BAG4: variants seen among roughly 807,000 people sequenced by gnomAD.
BAG4 encodes the protein BAG cochaperone 4, also known as BAG family molecular chaperone regulator 4.
In BAG4, 28 loss-of-function variants were observed where a neutral mutation model predicts 52.1. The observed-to-expected ratio is 0.54, with a 90% CI of 0.40 to 0.74. BAG4 has a LOEUF of 0.74. Among genes scored for constraint, BAG4 ranks in the 30% least tolerant of loss-of-function variants. The probability of loss-of-function intolerance (pLI) is 0.00; values close to 1 mark genes in which losing one functional copy is unlikely to be tolerated. For synonymous variants in BAG4, 208 were observed against 217.0 expected, an observed-to-expected ratio of 0.96 and a Z score of 0.37; for missense variants, 525 against 572.0, an observed-to-expected ratio of 0.92 and a Z score of 0.84.
rs767127120 is a variant in BAG4, at chr8:38,192,712, A to G, written c.295A>G (p.Asn99Asp). 1.2e-6 allele frequency: 2 copies of G among 1,612,220 alleles called. No individual in the cohort carries two copies. Among genetic ancestry groups the G allele is most frequent in the South Asian group, 2.2e-5 (2 of 90,592 alleles). ...HQEQPPYPSYNSNYWNSTARS... is the reference protein window; with the variant it reads ...HQEQPPYPSYDSNYWNSTARS... ...GGAGCAGCCACCATATCCTAGCTAC[A>G]ATTCTAACTATTGGAATTCTACTGC... Residue 99 changes from asparagine (N) to aspartate (D), a missense_variant, in exon 2 of 5, where the codon AAT (asparagine) becomes GAT (aspartate). Coordinates refer to ENST00000287322, the MANE Select transcript of BAG4 (RefSeq NM_004874.4).
intron 1 of BAG4, 77 bp downstream of exon 1, chr8:38,177,216 A>T: frequency 6.4e-7 from 1 of 1,566,120 alleles, no homozygotes; most frequent in Non-Finnish European, 8.6e-7. Flanking sequence ...CGGGTTTCAT[A>T]CTTGTTTTCC....
chr8:38,178,897 T>C (rs1803215995), intron 1 of BAG4, among the ~76,000 whole-genome samples: 1 of 152,022 alleles, frequency 6.6e-6, no homozygotes, highest in Non-Finnish European at 1.5e-5. Context: ...CACTTTGAGT[T>C]GCCGAGGCTG....
Position 38,210,470 on chromosome 8 carries a change from A to G in BAG4, c.1351A>G (p.Lys451Glu). Reference protein sequence around the residue: ...AVCKIQAILEKLEKKGL With the variant: ...AVCKIQAILEELEKKGL ...TTGTAAGATTCAGGCCATACTGGAA[A>G]AATTAGAAAAAAAAGGATTATGAAA... The change falls in exon 5 of 5, where the codon AAA (lysine) becomes GAA (glutamate). Residue 451 changes from lysine (K) to glutamate (E), a missense_variant. Coordinates refer to ENST00000287322, the MANE Select transcript of BAG4 (RefSeq NM_004874.4). 1.3e-6 allele frequency: 2 copies of G among 1,574,522 alleles called. No individual in the cohort carries two copies. Among genetic ancestry groups the G allele is most frequent in the Non-Finnish European group, 1.7e-6 (2 of 1,168,028 alleles).
intron 1 of BAG4, among the ~76,000 whole-genome samples, chr8:38,185,521 G>A (rs1803350269): frequency 6.6e-6 from 1 of 152,164 alleles, no homozygotes; most frequent in Admixed American, 6.5e-5. Flanking sequence ...ACAAATTACA[G>A]TTTCTGGAAA....
intron 2 of BAG4, among the ~76,000 whole-genome samples, chr8:38,207,302 A>G (rs1803786528): frequency 6.6e-6 from 1 of 151,622 alleles, no homozygotes; most frequent in African/African-American, 2.4e-5. Context: ...GGGTCTCACT[A>G]TGTTGTCCAG....
intron 1 of BAG4, among the ~76,000 whole-genome samples, chr8:38,187,772 C>T (rs1043209183): frequency 4.7e-5 from 7 of 149,786 alleles, no homozygotes; most frequent in Non-Finnish European, 1.0e-4. Flanking sequence ...CCTGTAATCC[C>T]AGCAATTTGG....
At chr8:38,190,456 C>G (rs1803455885) in intron 1 of BAG4, among the ~76,000 whole-genome samples, 2 of 152,122 alleles carry the variant, frequency 1.3e-5, no homozygotes, top group Non-Finnish European at 2.9e-5. Context: ...GGGTCTTACT[C>G]TGTTGCCCAG....
rs1803795323 is a variant in BAG4, at chr8:38,207,674, A to T, written c.541A>T (p.Thr181Ser). The change falls in exon 3 of 5, where the codon ACT (threonine) becomes TCT (serine). Residue 181 changes from threonine (T) to serine (S), a missense_variant. Physicochemically the swap from Thr to Ser is moderately conservative, Grantham distance 58. Transcript: ENST00000287322. The part of the protein sequence containing the change: ...STYRSSGNSP[T>S]PVSRWIYPQQ... ...TTACCGTTCATCTGGCAACAGCCCA[A>T]CTCCAGTCTCTCGTTGGATCTATCC... 1 of 1,613,464 alleles carries T rather than the reference A, an allele frequency of 6.2e-7. No individual in the cohort carries two copies. The highest frequency in any genetic ancestry group is 8.5e-7 in the Non-Finnish European group (1 of 1,179,852).
chr8:38,186,869 G>T (rs1195590474), intron 1 of BAG4, among the ~76,000 whole-genome samples: 1 of 152,206 alleles, frequency 6.6e-6, no homozygotes, highest in Non-Finnish European at 1.5e-5. Context: ...CTTCTAATGA[G>T]CAATATCACA....
At chr8:38,182,196 A>G (rs1803285651) in intron 1 of BAG4, among the ~76,000 whole-genome samples, 1 of 152,258 alleles carries the variant, frequency 6.6e-6, no homozygotes, top group African/African-American at 2.4e-5. Context: ...TATGATGGTC[A>G]GTATAGGAGC....
chr8:38,197,430 T>C (rs1803580454), intron 2 of BAG4, among the ~76,000 whole-genome samples: 1 of 152,114 alleles, frequency 6.6e-6, no homozygotes, highest in Non-Finnish European at 1.5e-5. Context: ...CACATCTAAA[T>C]ATAGAAAAGA....
At chr8:38,202,061 T>C (rs1803688797) in intron 2 of BAG4, 1 of 151,400 alleles carries the variant, frequency 6.6e-6, no homozygotes, top group East Asian at 1.9e-4. Context: ...CTTTAACTAA[T>C]AGTGTGGACT....
chr8:38,197,830 G>A lies in BAG4; in HGVS notation c.378+5035G>A, dbSNP rs143461651. On this transcript the variant is annotated intron_variant, in intron 2 of 4. Transcript: ENST00000287322. The stretch of plus-strand genomic sequence containing the variant: ...TCCTGCCACCTCAGCCTCCCTAGTA[G>A]CTGGGACTACAGGCGTGTGCCACCA... Among the ~76,000 whole-genome samples the A allele has an allele frequency of 4.3e-4, 65 of 152,134 alleles. 2 individuals carry two copies. In the Middle Eastern group the frequency reaches 0.017, roughly 40 times the overall value.
intron 1 of BAG4, among the ~76,000 whole-genome samples, chr8:38,191,940 G>C (rs1212938016): frequency 6.6e-6 from 1 of 152,138 alleles, no homozygotes; most frequent in African/African-American, 2.4e-5. Flanking sequence ...CTGAGTTGGA[G>C]AGAAAGGCTG....
At chr8:38,201,864 ATATATATATATATATATTTTTTT>A (rs1563284073) in intron 2 of BAG4, 34 of 6,036 alleles carry the variant, frequency 5.6e-3, no homozygotes, top group Admixed American at 0.012. Flanking sequence ...ATATATATAT[ATATATATATATATATATTTTTTT>A]TTTTTTTTTT....
In BAG4 at chr8:38,192,699, A is replaced by G. The variant is rs1424810059; in HGVS notation, c.282A>G (p.Pro94=). 1 of 1,610,476 alleles carries G rather than the reference A, an allele frequency of 6.2e-7. No individual in the cohort carries two copies. Among genetic ancestry groups the G allele is most frequent in the Non-Finnish European group, 8.5e-7 (1 of 1,178,818 alleles). The stretch of plus-strand genomic sequence containing the variant: ...TCTTTTTTTCTTAGGAGCAGCCACC[A>G]TATCCTAGCTACAATTCTAACTATT... ...RAGGSHQEQP[P]YPSYNSNYWN... Residue 94 remains proline, a synonymous_variant, in exon 2 of 5, where the codon CCA becomes CCG. Coordinates refer to ENST00000287322, the MANE Select transcript of BAG4 (RefSeq NM_004874.4).
Position 38,201,853 on chromosome 8 carries a change from TATATATATATATATATATATATATATA to T in BAG4, c.379-5658_379-5632del, listed in dbSNP as rs1407109293. The T allele has an allele frequency of 9.6e-3, 62 of 6,438 alleles. 3 individuals carry two copies. The highest frequency in any genetic ancestry group is 0.013 in the African/African-American group (35 of 2,638). The allele number at this position is 6,438 out of a possible 1,614,324, so 0.4% of individuals were successfully genotyped here. ...TGGAATTTATATATATATATATATA[TATATATATATATATATATATATATATA>T]TTTTTTTTTTTTTTTTTTTTTTTTT... is the stretch of plus-strand genomic sequence containing the variant. On this transcript the variant is annotated intron_variant, in intron 2 of 4. Transcript: ENST00000287322.
chr8:38,187,986 G>A (rs1418507121), intron 1 of BAG4, among the ~76,000 whole-genome samples: 3 of 136,808 alleles, frequency 2.2e-5, no homozygotes, highest in Admixed American at 8.2e-5. Flanking sequence ...GCAGTGAGCC[G>A]AGATCGTGCC....
intron 1 of BAG4, among the ~76,000 whole-genome samples, chr8:38,188,426 G>A (rs1017245024): frequency 4.0e-5 from 6 of 151,776 alleles, no homozygotes; most frequent in African/African-American, 1.4e-4. Flanking sequence ...ATAAAGAAAA[G>A]ATAAATGTTT....
Sources: gnomAD v4.1 joint callset for allele counts (sites outside exome capture counted in the v4.1 genomes callset) on GRCh38, gnomAD v4.1.1 for gene constraint, MANE v1.5 for transcripts, NCBI Gene and HGNC (gene_info 2026-07-23, HGNC 2026-07-21) for gene names.